Variants in DIS3L2 observed in about 807,000 individuals in gnomAD.
DIS3L2 encodes the protein DIS3 like 3'-5' exoribonuclease 2.
In DIS3L2, 34 loss-of-function variants were observed where a neutral mutation model predicts 97.5. The ratio of observed to expected loss-of-function variants is 0.35; its 90% CI spans 0.27 to 0.46. The LOEUF is 0.46. Ranked by LOEUF, DIS3L2 falls within the 20% of genes least tolerant of loss-of-function variation. DIS3L2 has a pLI of 1.00. For missense variants in DIS3L2, 1,038 were observed against 1,146.0 expected (o/e 0.91, Z 1.36); for synonymous variants, 435 against 445.2 (o/e 0.98, Z 0.29).
chr2:232,212,319 C>G (rs189580779), intron 10 of DIS3L2, among the ~76,000 whole-genome samples: 13 of 152,364 alleles, frequency 8.5e-5, no homozygotes, highest in Non-Finnish European at 1.3e-4. Flanking sequence ...GTTCACACCT[C>G]TACTGTTTGT....
At chr2:232,095,717 A>T (rs1302283943) in intron 6 of DIS3L2, among the ~76,000 whole-genome samples, 1 of 151,818 alleles carries the variant, frequency 6.6e-6, no homozygotes, top group African/African-American at 2.4e-5. Flanking sequence ...TAATTGAAGT[A>T]CTCCCTTTAG....
chr2:232,254,164 C>G (rs2853359), intron 12 of DIS3L2, among the ~76,000 whole-genome samples: 29,864 of 152,118 alleles, frequency 0.2, 3,142 homozygotes, highest in African/African-American at 0.26. Flanking sequence ...AGATTTCCTT[C>G]CTTTCTCCCA....
chr2:232,172,566 A>G, intron 9 of DIS3L2: 1 of 410,114 alleles, frequency 2.4e-6, no homozygotes, highest in Admixed American at 2.8e-5. Flanking sequence ...TTGATTCCCC[A>G]GCTTGACTAT....
chr2:232,040,477 C>T (rs991917454), intron 5 of DIS3L2, among the ~76,000 whole-genome samples: 15 of 152,268 alleles, frequency 9.9e-5, no homozygotes, highest in Admixed American at 5.2e-4. Flanking sequence ...TGATCTTTGC[C>T]CTGCTTCTTC....
intron 13 of DIS3L2, 39 bp from the exon 14 acceptor site, chr2:232,300,001 G>A (rs1694815127): frequency 1.3e-6 from 2 of 1,587,124 alleles, no homozygotes; most frequent in African/African-American, 2.7e-5. Context: ...AATAGAGCAT[G>A]CTGCCTAAAA....
chr2:232,326,339 A>T (rs1695572747), intron 14 of DIS3L2, among the ~76,000 whole-genome samples: 1 of 137,652 alleles, frequency 7.3e-6, no homozygotes, highest in Non-Finnish European at 1.6e-5. Flanking sequence ...CCGTGGTGCC[A>T]GGTCCCATTT....
At chr2:232,137,372 C>G (rs1698388665) in intron 8 of DIS3L2, among the ~76,000 whole-genome samples, 1 of 152,138 alleles carries the variant, frequency 6.6e-6, no homozygotes, top group African/African-American at 2.4e-5. Flanking sequence ...CTTCTTAGAA[C>G]TGGTATTCAT....
intron 9 of DIS3L2, among the ~76,000 whole-genome samples, chr2:232,185,056 G>C (rs879855814): frequency 1.3e-5 from 2 of 152,152 alleles, no homozygotes; most frequent in Non-Finnish European, 2.9e-5. Context: ...ATATGACTCT[G>C]TCTCTCTGAT....
chr2:232,249,968 GT>G (rs1693373923), intron 12 of DIS3L2, among the ~76,000 whole-genome samples: 1 of 152,186 alleles, frequency 6.6e-6, no homozygotes, highest in African/African-American at 2.4e-5. Context: ...GTCAGCAGGG[GT>G]TTCTGGGCAT....
chr2:232,024,967 T>C (rs939406097), intron 4 of DIS3L2, among the ~76,000 whole-genome samples: 4 of 152,302 alleles, frequency 2.6e-5, no homozygotes, highest in South Asian at 4.1e-4. Flanking sequence ...AGAGCAATAT[T>C]CTTAAATTCC....
At chr2:232,252,312 G>A (rs1002059749) in intron 12 of DIS3L2, among the ~76,000 whole-genome samples, 4 of 152,194 alleles carry the variant, frequency 2.6e-5, no homozygotes, top group African/African-American at 9.7e-5. Flanking sequence ...GGGAGGCTGA[G>A]GCAGGAGAAT....
chr2:231,964,044 C>T (rs1692639264), intron 1 of DIS3L2, among the ~76,000 whole-genome samples: 1 of 152,134 alleles, frequency 6.6e-6, no homozygotes, highest in African/African-American at 2.4e-5. Flanking sequence ...AAATCTTTAA[C>T]CCATTATGTA....
At chr2:232,045,670 CTTT>C (rs35019734) in intron 5 of DIS3L2, among the ~76,000 whole-genome samples, 1,217 of 99,012 alleles carry the variant, frequency 0.012, 10 homozygotes, top group Non-Finnish European at 0.017. Flanking sequence ...AAAGGCCTCA[CTTT>C]TTTTTTTTTT....
intron 5 of DIS3L2, among the ~76,000 whole-genome samples, chr2:232,061,114 C>T (rs1177214500): frequency 6.6e-6 from 1 of 152,168 alleles, no homozygotes; most frequent in East Asian, 1.9e-4. Context: ...TTGACTTCTT[C>T]CTTTCCAATT....
intron 5 of DIS3L2, among the ~76,000 whole-genome samples, chr2:232,069,489 T>G (rs752681083): frequency 4.6e-5 from 7 of 152,222 alleles, no homozygotes; most frequent in East Asian, 3.9e-4. Context: ...AAGCTTCAAC[T>G]TTATTCTTTA....
intron 14 of DIS3L2, among the ~76,000 whole-genome samples, chr2:232,326,809 G>A (rs1695590126): frequency 6.6e-6 from 1 of 150,894 alleles, no homozygotes; most frequent in South Asian, 2.1e-4. Flanking sequence ...CAAGGGCCCT[G>A]GCAAGGTGGG....
intron 1 of DIS3L2, among the ~76,000 whole-genome samples, chr2:231,993,830 T>C (rs1693649112): frequency 6.6e-6 from 1 of 152,002 alleles, no homozygotes; most frequent in African/African-American, 2.4e-5. Context: ...AAGAATGTCA[T>C]TGTTGAATAA....
chr2:232,139,213 A>G (rs1698443157), intron 8 of DIS3L2, among the ~76,000 whole-genome samples: 1 of 152,200 alleles, frequency 6.6e-6, no homozygotes. Context: ...CTAACAAGGC[A>G]ACAAAGGAAC....
intron 10 of DIS3L2, among the ~76,000 whole-genome samples, chr2:232,227,495 G>A (rs1692681135): frequency 6.6e-6 from 1 of 152,220 alleles, no homozygotes; most frequent in South Asian, 2.1e-4. Context: ...CCGTTATTAT[G>A]AGACCACCAG....
Sources: gnomAD v4.1 joint callset for allele counts (sites outside exome capture counted in the v4.1 genomes callset) on GRCh38, gnomAD v4.1.1 for gene constraint, MANE v1.5 for transcripts, NCBI Gene and HGNC (gene_info 2026-07-23, HGNC 2026-07-21) for gene names.